Variants in GALK2 observed in about 807,000 individuals in gnomAD.
The protein encoded by GALK2 is N-acetylgalactosamine kinase.
GALK2 carries 36 observed loss-of-function variants against 52.4 expected under a neutral mutation model. The observed-to-expected ratio is 0.69, with a 90% CI of 0.53 to 0.91. The LOEUF (loss-of-function observed/expected upper bound fraction) is 0.91, where lower values mean the gene tolerates loss of function less well. GALK2 is among the 40% of genes least tolerant of loss of function. The pLI, the probability that GALK2 is intolerant of heterozygous loss-of-function variation, is 0.00. For missense variants in GALK2, 579 were observed against 559.1 expected (o/e 1.04, Z -0.36); for synonymous variants, 176 against 199.1 (o/e 0.88, Z 0.98).
At chr15:49,341,672 AG>A (rs1000545590) in intron 3 of GALK2, among the ~76,000 whole-genome samples, 1 of 152,132 alleles carries the variant, frequency 6.6e-6, no homozygotes, top group Non-Finnish European at 1.5e-5. Context: ...TAACTTTTTG[AG>A]GTAAGCATTA....
intron 3 of GALK2, among the ~76,000 whole-genome samples, chr15:49,229,557 G>A (rs986650648): frequency 3.3e-5 from 5 of 152,152 alleles, no homozygotes; most frequent in African/African-American, 1.2e-4. Context: ...GTATTCAGGT[G>A]CCAATGGTGG....
intron 5 of GALK2, among the ~76,000 whole-genome samples, chr15:49,264,288 T>G (rs1325205628): frequency 6.6e-6 from 1 of 152,164 alleles, no homozygotes; most frequent in East Asian, 1.9e-4. Flanking sequence ...CTTTTTTCTC[T>G]AAACCTCCCT....
intron 8 of GALK2, among the ~76,000 whole-genome samples, chr15:49,315,925 A>G (rs904380806): frequency 1.3e-5 from 2 of 152,196 alleles, no homozygotes; most frequent in African/African-American, 4.8e-5. Flanking sequence ...TCTATTTTAA[A>G]ATATTTAATC....
chr15:49,329,650 A>G lies in GALK2; in HGVS notation c.*1491A>G. 1.0e-6 allele frequency: 1 copy of G among 984,832 alleles called. No homozygotes were observed. Among genetic ancestry groups the G allele is most frequent in the Non-Finnish European group, 1.2e-6 (1 of 829,376 alleles). The allele number at this position is 984,832 out of a possible 1,614,324, so 61.0% of individuals were successfully genotyped here. On this transcript the variant is annotated 3_prime_UTR_variant, in exon 10 of 10. Coordinates refer to ENST00000560031, the MANE Select transcript of GALK2 (RefSeq NM_002044.4). ...AAAGGTAAATGCTTGAGAAAGCTTG[A>G]GTCAAATTTGTTAAAAGAATTTTGA...
rs185805387 is a variant in GALK2, at chr15:49,250,042, G to C, written c.504+10675G>C. 1.1e-3 allele frequency among the ~76,000 whole-genome samples: 163 copies of C among 152,294 alleles called. 1 individual carries two copies. The highest frequency in any genetic ancestry group is 1.5e-3 in the Non-Finnish European group (100 of 68,024). The stretch of plus-strand genomic sequence containing the variant: ...AACCGGACATAGCAGTAGGGTGGAC[G>C]CGTCAGGTTATAAATGACTCTGTCT... On this transcript the variant is annotated intron_variant, in intron 5 of 9. Coordinates refer to ENST00000560031, the MANE Select transcript of GALK2 (RefSeq NM_002044.4).
chr15:49,255,789 GTCT>G (rs781074791), intron 5 of GALK2, among the ~76,000 whole-genome samples: 3 of 152,036 alleles, frequency 2.0e-5, no homozygotes, highest in Non-Finnish European at 4.4e-5. Flanking sequence ...CTATAACATA[GTCT>G]TCTATTACAT....
upstream of GALK2, among the ~76,000 whole-genome samples, chr15:49,165,739 G>C (rs2084797670): frequency 6.6e-6 from 1 of 151,398 alleles, no homozygotes; most frequent in African/African-American, 2.4e-5. Context: ...ATTTAAAATG[G>C]CATGTTTGAC....
At chr15:49,210,973 T>A (rs112526510) in intron 2 of GALK2, among the ~76,000 whole-genome samples, 22,272 of 146,228 alleles carry the variant, frequency 0.15, 2,181 homozygotes, top group Non-Finnish European at 0.2. Flanking sequence ...ACACACACAC[T>A]CACACACACA....
rs879854193 is a variant in GALK2, at chr15:49,193,734, A to AT, written c.54-7417dup. ...TCTGTTTTTTTATTTTTTTATTTTT[A>AT]TTTTTTTTTTTGAGATGGAGTCTCA... On this transcript the variant is annotated intron_variant, in intron 1 of 9. Transcript: ENST00000560031. Among the ~76,000 whole-genome samples, 1,420 of 144,500 alleles carry AT rather than the reference A, an allele frequency of 9.8e-3. 10 individuals carry two copies. Among genetic ancestry groups the AT allele is most frequent in the Non-Finnish European group, 0.014 (927 of 65,466 alleles). The allele number at this position is 144,500 out of a possible 152,430, so 94.8% of individuals were successfully genotyped here.
intron 5 of GALK2, among the ~76,000 whole-genome samples, chr15:49,273,490 A>G (rs74361374): frequency 0.025 from 3,844 of 152,216 alleles, 92 homozygotes; most frequent in African/African-American, 0.051. Flanking sequence ...CCTTTGCATT[A>G]CATCTCTTAA....
chr15:49,342,602 A>G (rs1264924931), intron 3 of GALK2, among the ~76,000 whole-genome samples: 4 of 152,006 alleles, frequency 2.6e-5, no homozygotes, highest in South Asian at 2.1e-4. Context: ...TGTAGTTTCT[A>G]TTGTGTCATT....
intron 7 of GALK2, among the ~76,000 whole-genome samples, chr15:49,290,586 A>G (rs1407591510): frequency 2.6e-5 from 4 of 152,230 alleles, no homozygotes. Context: ...GCCTGGGGCA[A>G]TGTGACTGGT....
chr15:49,155,985 G>C (rs2084433618), exon 1 of GALK2: 1 of 1,613,984 alleles, frequency 6.2e-7, no homozygotes, highest in Non-Finnish European at 8.5e-7. Context: ...CTTTCGCGGA[G>C]AAAAGGCTGA....
At chr15:49,170,888 T>A (rs768255313) in intron 1 of GALK2, among the ~76,000 whole-genome samples, 4 of 152,154 alleles carry the variant, frequency 2.6e-5, no homozygotes, top group Non-Finnish European at 5.9e-5. Context: ...ACTAATAGTT[T>A]AGTGATGTCT....
downstream of GALK2, among the ~76,000 whole-genome samples, chr15:49,336,706 A>C (rs1040705284): frequency 2.0e-5 from 3 of 152,208 alleles, no homozygotes; most frequent in African/African-American, 7.2e-5. Flanking sequence ...TCTAAAAAAT[A>C]ATTTCAACTT....
chr15:49,197,732 A>C (rs543812785), intron 1 of GALK2, among the ~76,000 whole-genome samples: 1 of 152,288 alleles, frequency 6.6e-6, no homozygotes, highest in East Asian at 1.9e-4. Context: ...CTCAACCTGT[A>C]ATTATATACT....
intron 3 of GALK2, among the ~76,000 whole-genome samples, chr15:49,358,488 T>C (rs1258745835): frequency 6.9e-6 from 1 of 145,122 alleles, no homozygotes; most frequent in Non-Finnish European, 1.5e-5. Flanking sequence ...CCATTCACAA[T>C]TGCTTCAAAG....
intron 8 of GALK2, among the ~76,000 whole-genome samples, chr15:49,315,644 C>G (rs2036343557): frequency 1.3e-5 from 2 of 152,174 alleles, no homozygotes; most frequent in African/African-American, 4.8e-5. Flanking sequence ...CCCTTTCTGC[C>G]CTTTCCCTTG....
intron 5 of GALK2, among the ~76,000 whole-genome samples, chr15:49,258,237 G>A (rs1027526146): frequency 1.2e-4 from 18 of 152,018 alleles, no homozygotes; most frequent in Admixed American, 1.2e-3. Context: ...CAATTAAGTG[G>A]GGAAAGAAGG....
Sources: allele counts gnomAD v4.1 joint callset (sites outside exome capture counted in the v4.1 genomes callset), GRCh38; gene constraint gnomAD v4.1.1; transcripts MANE v1.5; gene names NCBI Gene and HGNC (gene_info 2026-07-23, HGNC 2026-07-21).